IDH3B: variants seen among roughly 807,000 people sequenced by gnomAD.
IDH3B encodes the protein isocitrate dehydrogenase (NAD(+)) 3 non-catalytic subunit beta, also known as isocitrate dehydrogenase [NAD] subunit beta, mitochondrial.
IDH3B carries 40 observed loss-of-function variants against 47.5 expected under a neutral mutation model. That is an observed-to-expected ratio of 0.84 (90% CI 0.65 to 1.10). The LOEUF is 1.10. IDH3B is among the 50% of genes least tolerant of loss of function. The probability of loss-of-function intolerance (pLI) is 0.00; values close to 1 mark genes in which losing one functional copy is unlikely to be tolerated. For missense variants in IDH3B, 450 were observed against 505.2 expected, an observed-to-expected ratio of 0.89 and a Z score of 1.05; for synonymous variants, 185 against 191.0, an observed-to-expected ratio of 0.97 and a Z score of 0.26.
At chr20:2,663,851 G>A (rs2086995595) in intron 2 of IDH3B, 74 bp downstream of exon 2, 3 of 1,594,920 alleles carry the variant, frequency 1.9e-6, no homozygotes, top group Admixed American at 1.7e-5. Flanking sequence ...GGGAGGGGTG[G>A]GGAAAAGCCA....
rs1344754168 is a variant in IDH3B at position 2,660,104 on chromosome 20, C to G, written c.841G>C (p.Ala281Pro). ...NLYGNIIDNL[A>P]AGLVGGAGVV... ...CCAGCTCCCCCAACCAGGCCAGCAG[C>G]CAGATTGTCAATAATGTTCCCATAG... Residue 281 changes from alanine to proline, a missense_variant, in exon 9 of 12, where the codon GCT (alanine) becomes CCT (proline). Transcript: ENST00000380843. This position sits in a 1 kb window ranked among gnomAD's most constrained non-coding sequence, Gnocchi z 5.6. 6.2e-7 allele frequency: 1 copy of G among 1,613,972 alleles called. No individual in the cohort carries two copies.
intron 11 of IDH3B, 49 bp from the exon 12 acceptor site, chr20:2,658,886 A>G (rs2086877476): frequency 5.0e-6 from 8 of 1,612,576 alleles, no homozygotes; most frequent in East Asian, 2.2e-5. Flanking sequence ...AAGAGAGCCC[A>G]TGAAGGGAGG....
At position 2,658,531 on chromosome 20, in the gene IDH3B, G is replaced by A. The variant is rs747001383; in HGVS notation, c.*220C>T. On this transcript the variant is annotated 3_prime_UTR_variant, in exon 12 of 12. Transcript: ENST00000380843. ...ATGTCAGAGGTTCGAACCTGTGGGG[G>A]AGAATCATCATCATCCATGTGGCCT... is the stretch of plus-strand genomic sequence containing the variant. 6.2e-7 allele frequency: 1 copy of A among 1,613,874 alleles called. No individual in the cohort carries two copies.
rs1466371186 is a variant in IDH3B at position 2,660,579 on chromosome 20, AC to A, written c.542del (p.Gly181ValfsTer2). On this transcript the variant is annotated frameshift_variant, in exon 7 of 12. Transcript: ENST00000380843. LOFTEE classifies it high-confidence loss of function. This position sits in a 1 kb window ranked among gnomAD's most constrained non-coding sequence, Gnocchi z 5.6. ...TGACAATCTTCAAACACTCAATCAC[AC>A]CCCTTGCACTCTGGGTAAGAAGAAA... is the stretch of plus-strand genomic sequence containing the variant. Reference protein sequence around the residue: ...YSSLEHESARGVIECLKIVTR... With the variant: ...YSSLEHESARXVIECLKIVTR... 6.2e-7 allele frequency: 1 copy of A among 1,613,300 alleles called. No homozygotes were observed. The highest frequency in any genetic ancestry group is 1.7e-5 in the Admixed American group (1 of 59,924).
At position 2,663,426 on chromosome 20, in the gene IDH3B, T is replaced by C. The variant is rs1473225899; in HGVS notation, c.337+20A>G. On this transcript the variant is annotated intron_variant, in intron 4 of 11. Transcript: ENST00000380843. ...TGATTTTAAATGGCACATGGACAAGTGGCAAGAGGGCACACATACCAATGA... is the reference window on the plus strand; with the variant it reads ...TGATTTTAAATGGCACATGGACAAGCGGCAAGAGGGCACACATACCAATGA... The C allele has an allele frequency of 2.5e-6, 4 of 1,613,900 alleles. No individual in the cohort carries two copies. In the African/African-American group the frequency reaches 5.3e-5, roughly 22 times the overall value.
intron 4 of IDH3B, among the ~76,000 whole-genome samples, chr20:2,662,404 T>A (rs964380043): frequency 6.6e-6 from 1 of 152,156 alleles, no homozygotes; most frequent in Non-Finnish European, 1.5e-5. Context: ...GACTTTCCTA[T>A]GGTAAGGCTG....
In IDH3B at chr20:2,664,009, C is replaced by A. The variant is rs2087001590; in HGVS notation, c.37-4G>T. On this transcript the variant is annotated splice_polypyrimidine_tract_variant and splice_region_variant and intron_variant, in intron 1 of 11. Coordinates refer to ENST00000380843, the MANE Select transcript of IDH3B (RefSeq NM_006899.5). Reference sequence around the variant, plus strand: ...GGTTCCCGGCGGAGACCAGCGCCTGCAACAGGGACACACAAGCCTGTAAGG... The same window carrying A: ...GGTTCCCGGCGGAGACCAGCGCCTGAAACAGGGACACACAAGCCTGTAAGG... 1.2e-6 allele frequency: 2 copies of A among 1,613,916 alleles called. No homozygotes were observed. The highest frequency in any genetic ancestry group is 2.7e-5 in the African/African-American group (2 of 74,934).
chr20:2,664,198 A>G lies in IDH3B; in HGVS notation c.-10T>C, dbSNP rs757715212. 3.7e-6 allele frequency: 6 copies of G among 1,612,946 alleles called. No homozygotes were observed. Among genetic ancestry groups the G allele is most frequent in the Non-Finnish European group, 5.1e-6 (6 of 1,179,678 alleles). ...CGCTCAATGCCGCCATGTTTCCCGC[A>G]GGAAGTCGCGTGGGAAGTGACGCCT... On this transcript the variant is annotated 5_prime_UTR_variant, in exon 1 of 12. Coordinates refer to ENST00000380843, the MANE Select transcript of IDH3B (RefSeq NM_006899.5).
At position 2,664,050 on chromosome 20, in the gene IDH3B, C is replaced by A. The variant is rs780843518; in HGVS notation, c.37-45G>T. On this transcript the variant is annotated intron_variant, in intron 1 of 11. Coordinates refer to ENST00000380843, the MANE Select transcript of IDH3B (RefSeq NM_006899.5). ...GCCTGTAAGGTCAGCTTTGAGACAT[C>A]CAGACCCCGAACACTACAGTTGACT... 11 of 1,611,250 alleles carry A rather than the reference C, an allele frequency of 6.8e-6. No homozygotes were observed. The Admixed American group carries it at 1.7e-4, about 24-fold the overall frequency.
chr20:2,663,548 C>G lies in IDH3B; in HGVS notation c.235G>C (p.Glu79Gln). Residue 79 changes from glutamate (E) to glutamine (Q), a missense_variant, in exon 4 of 12, where the codon GAG (glutamate) becomes CAG (glutamine). Glu to Gln is a conservative substitution (Grantham distance 29). Transcript: ENST00000380843. Reference protein sequence around the residue: ...EVFKAAAVPVEFQEHHLSEVQ... With the variant: ...EVFKAAAVPVQFQEHHLSEVQ... The stretch of plus-strand genomic sequence containing the variant: ...TCACTCAGGTGGTGCTCCTGGAACT[C>G]CACTGGGACAGCGGCAGCCTTCAGA... 1.2e-6 allele frequency: 2 copies of G among 1,614,226 alleles called. No homozygotes were observed. The highest frequency in any genetic ancestry group is 1.7e-6 in the Non-Finnish European group (2 of 1,180,048).
chr20:2,663,654 A>G lies in IDH3B; in HGVS notation c.216+6T>C. ...CCTCTACTGTCTGATCCCCGAGGCC[A>G]CTCACCTTGAACACCTCCTTGACGG... On this transcript the variant is annotated splice_donor_region_variant and intron_variant, in intron 3 of 11. Coordinates refer to ENST00000380843, the MANE Select transcript of IDH3B (RefSeq NM_006899.5). 6.2e-7 allele frequency: 1 copy of G among 1,613,986 alleles called. No individual in the cohort carries two copies. The highest frequency in any genetic ancestry group is 1.1e-5 in the South Asian group (1 of 91,088).
At chr20:2,661,600 C>G (rs1361911448) in intron 4 of IDH3B, among the ~76,000 whole-genome samples, 1 of 152,194 alleles carries the variant, frequency 6.6e-6, no homozygotes, top group Non-Finnish European at 1.5e-5. Context: ...TTTATCTGTG[C>G]CTTCTCCTTA....
In IDH3B at chr20:2,660,553, G is replaced by T. The variant is rs763798195; in HGVS notation, c.569C>A (p.Thr190Lys). The T allele has an allele frequency of 6.2e-7, 1 of 1,614,128 alleles. No homozygotes were observed. Among genetic ancestry groups the T allele is most frequent in the South Asian group, 1.1e-5 (1 of 91,078 alleles). ...TGCAATCCGCTGAGACTTGGCTCGT[G>T]TGACAATCTTCAAACACTCAATCAC... ...RGVIECLKIV[T>K]RAKSQRIAKF... is the part of the protein sequence containing the mutation. The change falls in exon 7 of 12, where the codon ACA becomes AAA. Residue 190 changes from threonine to lysine, a missense_variant. Coordinates refer to ENST00000380843, the MANE Select transcript of IDH3B (RefSeq NM_006899.5). This position sits in a 1 kb window ranked among gnomAD's most constrained non-coding sequence, Gnocchi z 5.6.
Position 2,658,439 on chromosome 20 carries a change from G to A in IDH3B, c.*312C>T. 3 of 1,614,076 alleles carry A rather than the reference G, an allele frequency of 1.9e-6. No homozygotes were observed. Among genetic ancestry groups the A allele is most frequent in the Non-Finnish European group, 2.5e-6 (3 of 1,179,980 alleles). On this transcript the variant is annotated 3_prime_UTR_variant, in exon 12 of 12. Coordinates refer to ENST00000380843, the MANE Select transcript of IDH3B (RefSeq NM_006899.5). ...GAACACCTTACATGGGTATGGACAG[G>A]GCCTATGGGTGGGGCAAGGCAGCAA... is the stretch of plus-strand genomic sequence containing the variant.
intron 11 of IDH3B, chr20:2,659,270 A>G: frequency 6.9e-7 from 1 of 1,450,632 alleles, no homozygotes; most frequent in South Asian, 1.4e-5. Flanking sequence ...GCCCATGAAA[A>G]GGGCAGTGGA....
At chr20:2,663,853 G>GT (rs2086995752) in intron 2 of IDH3B, 72 bp downstream of exon 2, 1 of 1,595,624 alleles carries the variant, frequency 6.3e-7, no homozygotes, top group Non-Finnish European at 8.6e-7. Context: ...GAGGGGTGGG[G>GT]AAAAGCCAGG....
intron 4 of IDH3B, among the ~76,000 whole-genome samples, chr20:2,662,895 T>C (rs1468974042): frequency 6.6e-6 from 1 of 152,128 alleles, no homozygotes; most frequent in Admixed American, 6.5e-5. Context: ...AGGCAGAGGT[T>C]GCAGTGAGCT....
In IDH3B at chr20:2,664,194, C is replaced by T. The variant is rs751949478; in HGVS notation, c.-6G>A. ...ACTCCGCTCAATGCCGCCATGTTTCCCGCAGGAAGTCGCGTGGGAAGTGAC... is the reference window on the plus strand; with the variant it reads ...ACTCCGCTCAATGCCGCCATGTTTCTCGCAGGAAGTCGCGTGGGAAGTGAC... On this transcript the variant is annotated 5_prime_UTR_variant, in exon 1 of 12. Coordinates refer to ENST00000380843, the MANE Select transcript of IDH3B (RefSeq NM_006899.5). 3 of 1,613,206 alleles carry T rather than the reference C, an allele frequency of 1.9e-6. No homozygotes were observed. Among genetic ancestry groups the T allele is most frequent in the Middle Eastern group, 1.6e-4 (1 of 6,080 alleles).
At chr20:2,663,604 C>A in intron 3 of IDH3B, 38 bp from the exon 4 acceptor site, 1 of 1,614,188 alleles carries the variant, frequency 6.2e-7, no homozygotes, top group East Asian at 2.2e-5. Context: ...CAGTCAAGGC[C>A]AAGTCCTTTC....
Sources: gnomAD v4.1 joint callset for allele counts (sites outside exome capture counted in the v4.1 genomes callset) on GRCh38, gnomAD v4.1.1 for gene constraint, Gnocchi (gnomAD v3.1) non-coding constraint, MANE v1.5 for transcripts, NCBI Gene and HGNC (gene_info 2026-07-23, HGNC 2026-07-21) for gene names.